The following AUTS2 variants were observed in gnomAD, a reference collection of about 807,000 sequenced individuals.
The protein encoded by AUTS2 is autism susceptibility gene 2 protein.
In AUTS2, 17 loss-of-function variants were observed where a neutral mutation model predicts 112.4. The ratio of observed to expected loss-of-function variants is 0.15; its 90% CI spans 0.10 to 0.23. The LOEUF is 0.23. Ranked by LOEUF, AUTS2 falls within the 10% of genes least tolerant of loss-of-function variation. The pLI is 1.00. For synonymous variants in AUTS2, 751 were observed against 702.7 expected (o/e 1.07, Z -1.09); for missense variants, 1,510 against 1,701.6 (o/e 0.89, Z 1.98).
At chr7:69,811,871 T>G (rs936229622) in intron 1 of AUTS2, among the ~76,000 whole-genome samples, 8 of 152,220 alleles carry the variant, frequency 5.3e-5, no homozygotes, top group Admixed American at 5.2e-4. Context: ...AGACTATGTT[T>G]TATTTTATGC....
intron 4 of AUTS2, among the ~76,000 whole-genome samples, chr7:70,279,425 G>A (rs1178602658): frequency 6.6e-6 from 1 of 152,156 alleles, no homozygotes. Context: ...ACTCCAGTGG[G>A]ACAAAGAGAA....
At chr7:69,750,109 T>A (rs971739238) in intron 1 of AUTS2, among the ~76,000 whole-genome samples, 22 of 152,156 alleles carry the variant, frequency 1.4e-4, no homozygotes, top group African/African-American at 5.1e-4. Context: ...GTTCTCTTGT[T>A]TTCTCGTTCT....
intron 1 of AUTS2, among the ~76,000 whole-genome samples, chr7:69,610,777 T>C (rs1374570999): frequency 6.6e-6 from 1 of 152,208 alleles, no homozygotes. Flanking sequence ...ATCTGTTCCA[T>C]TGGGGAGTCC....
At chr7:70,134,454 G>A (rs1302649991) in intron 3 of AUTS2, 82 bp from the exon 4 acceptor site, 9 of 1,194,646 alleles carry the variant, frequency 7.5e-6, no homozygotes, top group South Asian at 1.2e-5. Context: ...AGCCTGCAAA[G>A]GGCTGGTAAT....
At position 69,880,685 on chromosome 7, in the gene AUTS2, T is replaced by C. The variant is rs569625793; in HGVS notation, c.310-18601T>C. Reference sequence around the variant, plus strand: ...GGAAATCAGGTAAGATATTTTCAGATAGATAATTTGTTTTCTCCTTGTGCT... The same window carrying C: ...GGAAATCAGGTAAGATATTTTCAGACAGATAATTTGTTTTCTCCTTGTGCT... On this transcript the variant is annotated intron_variant, in intron 1 of 18. Transcript: ENST00000342771. Among the ~76,000 whole-genome samples the C allele has an allele frequency of 6.6e-5, 10 of 152,332 alleles. No individual in the cohort carries two copies. In the South Asian group the frequency reaches 2.1e-3, roughly 32 times the overall value.
chr7:70,295,212 CGTT>C (rs1788877822), intron 4 of AUTS2, among the ~76,000 whole-genome samples: 1 of 152,178 alleles, frequency 6.6e-6, no homozygotes, highest in Admixed American at 6.5e-5. Flanking sequence ...TAATCACTGA[CGTT>C]GTGTGCTTCC....
intron 5 of AUTS2, among the ~76,000 whole-genome samples, chr7:70,571,747 A>G (rs1309478367): frequency 1.3e-5 from 2 of 152,202 alleles, no homozygotes; most frequent in Middle Eastern, 3.4e-3. Context: ...GAGGTGTGCA[A>G]GGGGAGGACG....
chr7:70,323,430 A>C (rs1474263497), intron 4 of AUTS2, among the ~76,000 whole-genome samples: 2 of 152,130 alleles, frequency 1.3e-5, no homozygotes, highest in Non-Finnish European at 2.9e-5. Flanking sequence ...AAGGGTTTGG[A>C]GATAAGGGTA....
At position 70,744,740 on chromosome 7, in the gene AUTS2, G is replaced by A. The variant is rs532850851; in HGVS notation, c.743-18130G>A. On this transcript the variant is annotated intron_variant, in intron 6 of 18. Coordinates refer to ENST00000342771, the MANE Select transcript of AUTS2 (RefSeq NM_015570.4). ...CTTCTGACAGTGTCTTTGTGTCTTTGTACAGTTGGAGGACCTGACTGACAC... is the reference window on the plus strand; with the variant it reads ...CTTCTGACAGTGTCTTTGTGTCTTTATACAGTTGGAGGACCTGACTGACAC... Among the ~76,000 whole-genome samples, 36 of 152,276 alleles carry A rather than the reference G, an allele frequency of 2.4e-4. 1 individual carries two copies. The South Asian group carries it at 7.2e-3, about 31-fold the overall frequency.
intron 5 of AUTS2, among the ~76,000 whole-genome samples, chr7:70,474,066 C>A (rs1345340635): frequency 6.6e-6 from 1 of 152,192 alleles, no homozygotes; most frequent in Non-Finnish European, 1.5e-5. Flanking sequence ...CCTCAGGAAT[C>A]ATCTACCGTA....
chr7:70,243,107 A>T (rs1812710826), intron 4 of AUTS2, among the ~76,000 whole-genome samples: 1 of 152,176 alleles, frequency 6.6e-6, no homozygotes. Flanking sequence ...GTCTCTGAGT[A>T]CAAAAGTGCA....
chr7:70,723,244 GT>G (rs746159982), intron 6 of AUTS2, among the ~76,000 whole-genome samples: 2 of 152,038 alleles, frequency 1.3e-5, no homozygotes, highest in Non-Finnish European at 2.9e-5. Flanking sequence ...AACTTTTTCG[GT>G]TTTGTTTGTT....
chr7:70,295,625 A>G (rs1315374140), intron 4 of AUTS2, among the ~76,000 whole-genome samples: 8 of 152,028 alleles, frequency 5.3e-5, no homozygotes. Flanking sequence ...CCTCAACTCT[A>G]TTGAGTTACT....
At chr7:70,453,707 G>T (rs1047783362) in intron 5 of AUTS2, among the ~76,000 whole-genome samples, 24 of 152,130 alleles carry the variant, frequency 1.6e-4, no homozygotes, top group African/African-American at 4.3e-4. Context: ...TCTCATCTCT[G>T]CCTCTGTCTT....
At chr7:69,602,219 T>G (rs1268394368) in intron 1 of AUTS2, among the ~76,000 whole-genome samples, 1 of 152,044 alleles carries the variant, frequency 6.6e-6, no homozygotes. Flanking sequence ...ATTTATTTTG[T>G]GCCTAAAAAA....
intron 8 of AUTS2, 59 bp downstream of exon 8, chr7:70,765,064 C>A: frequency 1.3e-6 from 2 of 1,597,108 alleles, no homozygotes; most frequent in Non-Finnish European, 8.5e-7. Flanking sequence ...GCTGTGACCT[C>A]ACCCTACCTA....
At chr7:70,138,673 A>G (rs1222231090) in intron 4 of AUTS2, among the ~76,000 whole-genome samples, 5 of 152,222 alleles carry the variant, frequency 3.3e-5, no homozygotes, top group Non-Finnish European at 1.5e-5. Context: ...TTATCAGGGA[A>G]AACAACTCAC....
intron 6 of AUTS2, among the ~76,000 whole-genome samples, chr7:70,708,775 A>G (rs191533067): frequency 4.6e-5 from 7 of 152,276 alleles, no homozygotes; most frequent in African/African-American, 1.7e-4. Context: ...TGAGTTTTCC[A>G]TTTTAAAAAT....
At chr7:70,688,933 T>C (rs1286292461) in intron 5 of AUTS2, among the ~76,000 whole-genome samples, 1 of 152,254 alleles carries the variant, frequency 6.6e-6, no homozygotes, top group Non-Finnish European at 1.5e-5. Context: ...CTAAATGACA[T>C]AATTGGGATG....
Sources: allele counts gnomAD v4.1 joint callset (sites outside exome capture counted in the v4.1 genomes callset), GRCh38; gene constraint gnomAD v4.1.1; transcripts MANE v1.5; gene names NCBI Gene and HGNC (gene_info 2026-07-23, HGNC 2026-07-21).